Variants in ZSWIM6 observed in about 807,000 individuals in gnomAD.
ZSWIM6 encodes zinc finger SWIM domain-containing protein 6.
Under a neutral mutation model 113.2 loss-of-function variants are expected in ZSWIM6, and 9 were observed. That is an observed-to-expected ratio of 0.08 (90% CI 0.05 to 0.14). ZSWIM6 has a LOEUF of 0.14. ZSWIM6 is among the 10% of genes least tolerant of loss of function. The probability of loss-of-function intolerance (pLI) is 1.00; values close to 1 mark genes in which losing one functional copy is unlikely to be tolerated. For missense variants in ZSWIM6, 1,162 were observed against 1,552.2 expected, an observed-to-expected ratio of 0.75 and a Z score of 4.22; for synonymous variants, 611 against 606.5, an observed-to-expected ratio of 1.01 and a Z score of -0.11.
chr5:61,388,875 T>A (rs1745644599), intron 1 of ZSWIM6, among the ~76,000 whole-genome samples: 1 of 152,212 alleles, frequency 6.6e-6, no homozygotes, highest in Non-Finnish European at 1.5e-5. Context: ...TTCGACAATT[T>A]GATAAAATTG....
At position 61,332,796 on chromosome 5, in the gene ZSWIM6, CCGCCGCCGCCG is replaced by C; in HGVS notation, c.526_536del (p.Ala176ArgfsTer74). The C allele has an allele frequency of 1.2e-6, 1 of 859,160 alleles. No homozygotes were observed. The highest frequency in any genetic ancestry group is 1.4e-6 in the Non-Finnish European group (1 of 722,472). The allele number at this position is 859,160 out of a possible 1,614,324, so 53.2% of individuals were successfully genotyped here. On this transcript the variant is annotated frameshift_variant, in exon 1 of 14. Coordinates refer to ENST00000252744, the MANE Select transcript of ZSWIM6 (RefSeq NM_020928.2). LOFTEE classifies it high-confidence loss of function. Reference sequence around the variant, plus strand: ...ACCTCGGCCGCCGCCGCCGCTGCCGCCGCCGCCGCCGCCGCCGCCGCCGCCGCGGGGGCCGG... The same window carrying C: ...ACCTCGGCCGCCGCCGCCGCTGCCGCCCGCCGCCGCCGCCGCGGGGGCCGG...
At chr5:61,441,882 A>G (rs1746842470) in intron 1 of ZSWIM6, among the ~76,000 whole-genome samples, 1 of 152,196 alleles carries the variant, frequency 6.6e-6, no homozygotes. Flanking sequence ...GTCCACACAG[A>G]AAGCCTATCA....
At chr5:61,523,379 T>G (rs1227655984) in intron 5 of ZSWIM6, among the ~76,000 whole-genome samples, 1 of 152,248 alleles carries the variant, frequency 6.6e-6, no homozygotes. Flanking sequence ...TTTTTAGAAT[T>G]AATGAATAAC....
intron 10 of ZSWIM6, among the ~76,000 whole-genome samples, chr5:61,536,203 C>T (rs966976406): frequency 6.6e-6 from 1 of 152,224 alleles, no homozygotes; most frequent in Non-Finnish European, 1.5e-5. Flanking sequence ...TCATCGGTCT[C>T]TCCTTTTCAG....
chr5:61,473,008 C>A lies in ZSWIM6; in HGVS notation c.1004C>A (p.Ser335Tyr). ...CAAAAATTAGCAGATGAAATTCTTT[C>A]CCAAAATTCAGAAATCAACCAAGTT... ...TAQKLADEIL[S>Y]QNSEINQVHG... The change falls in exon 2 of 14, where the codon TCC (serine) becomes TAC (tyrosine). Residue 335 changes from serine (S) to tyrosine (Y), a missense_variant. Transcript: ENST00000252744. 6.5e-7 allele frequency: 1 copy of A among 1,534,450 alleles called. No individual in the cohort carries two copies. The highest frequency in any genetic ancestry group is 8.8e-7 in the Non-Finnish European group (1 of 1,134,860).
chr5:61,341,052 A>C (rs1312516421), intron 1 of ZSWIM6, among the ~76,000 whole-genome samples: 4 of 152,258 alleles, frequency 2.6e-5, no homozygotes, highest in African/African-American at 9.6e-5. Context: ...GAGAAAATAA[A>C]AAAGTCAGTT....
rs1745360782 is a variant in ZSWIM6 at position 61,375,733 on chromosome 5, A to G, written c.676+42785A>G. ...GTATATTGAGGAGGTGCAAGCAAAAAAGAAGAAAAGCAGTGAAGAACGAGA... is the reference window on the plus strand; with the variant it reads ...GTATATTGAGGAGGTGCAAGCAAAAGAGAAGAAAAGCAGTGAAGAACGAGA... On this transcript the variant is annotated intron_variant, in intron 1 of 13. Transcript: ENST00000252744. 2.5e-5 allele frequency: 39 copies of G among 1,540,208 alleles called. No homozygotes were observed. In the South Asian group the frequency reaches 4.4e-4, roughly 17 times the overall value.
Position 61,332,612 on chromosome 5 carries a change from T to G in ZSWIM6, c.340T>G (p.Phe114Val). ...GCAGCGCCGCATAGTCTATTGGTCC[T>G]TCCCCCGCAGCGAGCGGGAGATCTG... is the stretch of plus-strand genomic sequence containing the variant. ...PVQRRIVYWS[F>V]PRSEREICMY... Residue 114 changes from phenylalanine (F) to valine (V), a missense_variant, in exon 1 of 14, where the codon TTC becomes GTC. By Grantham distance (50) the Phe-to-Val change is conservative. Around this residue, in one of 4 missense-constraint regions of ZSWIM6, gnomAD observed 333 missense variants for 293.4 expected, o/e 1.13. Coordinates refer to ENST00000252744, the MANE Select transcript of ZSWIM6 (RefSeq NM_020928.2). The G allele has an allele frequency of 1.6e-6, 2 of 1,266,834 alleles. No homozygotes were observed. The highest frequency in any genetic ancestry group is 2.1e-6 in the Non-Finnish European group (2 of 973,054). 78.5% of individuals were successfully genotyped at this position (1,266,834 alleles called of 1,614,324 possible).
rs183972982 is a variant in ZSWIM6, at chr5:61,345,391, T to C, written c.676+12443T>C. Among the ~76,000 whole-genome samples the C allele has an allele frequency of 3.3e-5, 5 of 152,348 alleles. No individual in the cohort carries two copies. The East Asian group carries it at 9.6e-4, about 29-fold the overall frequency. On this transcript the variant is annotated intron_variant, in intron 1 of 13. Coordinates refer to ENST00000252744, the MANE Select transcript of ZSWIM6 (RefSeq NM_020928.2). ...TAGAGCCAGTGTTATGTAGATTGTG[T>C]TTGCAAATTGAGTTTAAAGTTTTTG...
At chr5:61,337,468 T>G (rs1744427376) in intron 1 of ZSWIM6, among the ~76,000 whole-genome samples, 1 of 152,232 alleles carries the variant, frequency 6.6e-6, no homozygotes, top group African/African-American at 2.4e-5. Flanking sequence ...ATCCTATAGA[T>G]AATACTGATA....
rs1360944064 is a variant in ZSWIM6 at position 61,546,153 on chromosome 5, A to G, written c.*1836A>G. The G allele has an allele frequency of 1.3e-5, 2 of 152,188 alleles. No individual in the cohort carries two copies. Among genetic ancestry groups the G allele is most frequent in the Non-Finnish European group, 2.9e-5 (2 of 68,020 alleles). 9.4% of individuals were successfully genotyped at this position (152,188 alleles called of 1,614,324 possible). ...ATCAACAATTTTTGTTTTGATTAAA[A>G]TTAGTTTTTTGAAAGTTGATTCTGC... On this transcript the variant is annotated 3_prime_UTR_variant, in exon 14 of 14. Transcript: ENST00000252744.
intron 1 of ZSWIM6, among the ~76,000 whole-genome samples, chr5:61,431,649 G>T (rs1320639915): frequency 9.3e-6 from 1 of 107,972 alleles, no homozygotes; most frequent in African/African-American, 4.0e-5. Flanking sequence ...GGAGGCTGAG[G>T]CAGGAGAATG....
intron 1 of ZSWIM6, among the ~76,000 whole-genome samples, chr5:61,414,035 G>GAT (rs1746196045): frequency 6.6e-6 from 1 of 152,118 alleles, no homozygotes; most frequent in Non-Finnish European, 1.5e-5. Context: ...AGTGATACCA[G>GAT]ATGGGGTAGG....
chr5:61,537,357 C>A (rs1407409007), intron 10 of ZSWIM6, among the ~76,000 whole-genome samples: 4 of 152,124 alleles, frequency 2.6e-5, no homozygotes, highest in South Asian at 2.1e-4. Flanking sequence ...CAGGTATGTG[C>A]CCCACCAGGT....
At chr5:61,379,371 GT>G (rs1323537393) in intron 1 of ZSWIM6, among the ~76,000 whole-genome samples, 1 of 150,006 alleles carries the variant, frequency 6.7e-6, no homozygotes, top group Non-Finnish European at 1.5e-5. Context: ...TTTGTGAAGT[GT>G]TTTATTGCCT....
chr5:61,488,601 G>A (rs1203030291), intron 2 of ZSWIM6, among the ~76,000 whole-genome samples: 1 of 151,868 alleles, frequency 6.6e-6, no homozygotes, highest in East Asian at 1.9e-4. Flanking sequence ...GCATATAGTT[G>A]TTCATAATAG....
intron 1 of ZSWIM6, among the ~76,000 whole-genome samples, chr5:61,420,585 G>A (rs748521364): frequency 2.0e-4 from 31 of 152,202 alleles, no homozygotes; most frequent in Admixed American, 2.0e-3. Flanking sequence ...AGAGGCTGCC[G>A]GGGAGTGGTG....
chr5:61,452,256 G>A (rs1465009541), intron 1 of ZSWIM6, among the ~76,000 whole-genome samples: 1 of 152,052 alleles, frequency 6.6e-6, no homozygotes, highest in Non-Finnish European at 1.5e-5. Context: ...AAAAGGTTGT[G>A]TTTATAGTTC....
intron 1 of ZSWIM6, among the ~76,000 whole-genome samples, chr5:61,457,247 GCCAAAGAAAT>G (rs1394386360): frequency 1.3e-5 from 2 of 152,300 alleles, no homozygotes; most frequent in Admixed American, 6.5e-5. Flanking sequence ...TTCGTACTGT[GCCAAAGAAAT>G]TAGTTTGAAT....
Sources: gnomAD v4.1 joint callset for allele counts (sites outside exome capture counted in the v4.1 genomes callset) on GRCh38, gnomAD v4.1.1 for gene constraint, gnomAD v4.1.1 regional missense constraint, MANE v1.5 for transcripts, NCBI Gene and HGNC (gene_info 2026-07-23, HGNC 2026-07-21) for gene names.